The following DTNB variants were observed in gnomAD, a reference collection of about 807,000 sequenced individuals.
DTNB encodes the protein dystrobrevin beta, also known as DTN-B.
In DTNB, 63 loss-of-function variants were observed where a neutral mutation model predicts 90.7. The ratio of observed to expected loss-of-function variants is 0.69; its 90% CI spans 0.57 to 0.86. The LOEUF is 0.86. Among genes scored for constraint, DTNB ranks in the 40% least tolerant of loss-of-function variants. The pLI is 0.00. For missense variants in DTNB, 744 were observed against 807.1 expected (o/e 0.92, Z 0.95); for synonymous variants, 277 against 286.7 (o/e 0.97, Z 0.34).
chr2:25,505,064 C>G, intron 9 of DTNB, among the ~76,000 whole-genome samples: 1 of 152,166 alleles, frequency 6.6e-6, no homozygotes, highest in East Asian at 1.9e-4. Flanking sequence ...TAATTGATAT[C>G]TGAAATGATT....
chr2:25,525,580 G>A (rs996492820), intron 9 of DTNB, among the ~76,000 whole-genome samples: 7 of 151,630 alleles, frequency 4.6e-5, no homozygotes, highest in African/African-American at 1.7e-4. Context: ...AAGTTGCAGT[G>A]AGCCAAGATC....
intron 10 of DTNB, among the ~76,000 whole-genome samples, chr2:25,461,336 G>T (rs530344969): frequency 5.3e-5 from 8 of 152,310 alleles, no homozygotes; most frequent in African/African-American, 1.7e-4. Context: ...TTTGTTTGGG[G>T]TGTGGGGTGT....
chr2:25,670,448 A>G (rs552024773), intron 1 of DTNB, among the ~76,000 whole-genome samples: 2 of 152,296 alleles, frequency 1.3e-5, no homozygotes, highest in Admixed American at 6.5e-5. Context: ...GAAAGACCAC[A>G]AAAACTGATA....
chr2:25,622,027 T>C (rs1396195437), intron 4 of DTNB, among the ~76,000 whole-genome samples: 1 of 152,102 alleles, frequency 6.6e-6, no homozygotes, highest in Non-Finnish European at 1.5e-5. Context: ...ATTAGATACA[T>C]CATTTTTTTT....
At chr2:25,531,668 A>G in intron 8 of DTNB, 71 bp from the exon 9 acceptor site, 1 of 1,541,556 alleles carries the variant, frequency 6.5e-7, no homozygotes, top group South Asian at 1.3e-5. Context: ...AAAAGAAAAA[A>G]ACTTTGTGAC....
At chr2:25,522,003 A>AGAGATTAGGCTT (rs2076221616) in intron 9 of DTNB, among the ~76,000 whole-genome samples, 1 of 152,254 alleles carries the variant, frequency 6.6e-6, no homozygotes, top group Admixed American at 6.5e-5. Flanking sequence ...CACTAATTAA[A>AGAGATTAGGCTT]GAGATTAGGC....
At chr2:25,561,572 A>C (rs927300603) in intron 8 of DTNB, among the ~76,000 whole-genome samples, 5 of 152,134 alleles carry the variant, frequency 3.3e-5, no homozygotes, top group African/African-American at 1.2e-4. Context: ...GCGTGGTGGG[A>C]GGTGACTGCA....
At chr2:25,579,691 C>A (rs1039935976) in intron 7 of DTNB, among the ~76,000 whole-genome samples, 1 of 150,050 alleles carries the variant, frequency 6.7e-6, no homozygotes, top group South Asian at 2.1e-4. Context: ...AGTTTCAAGG[C>A]AAAATGGTGA....
intron 12 of DTNB, among the ~76,000 whole-genome samples, chr2:25,444,215 A>G (rs1476327608): frequency 1.3e-5 from 2 of 152,164 alleles, no homozygotes; most frequent in Non-Finnish European, 2.9e-5. Flanking sequence ...TTTACCACAC[A>G]TTATAGTTTT....
At position 25,388,265 on chromosome 2, in the gene DTNB, T is replaced by TG; in HGVS notation, c.1671dup (p.Thr558HisfsTer30). 1 of 1,606,900 alleles carries TG rather than the reference T, an allele frequency of 6.2e-7. No individual in the cohort carries two copies. Among genetic ancestry groups the TG allele is most frequent in the Non-Finnish European group, 8.5e-7 (1 of 1,177,508 alleles). On this transcript the variant is annotated frameshift_variant, in exon 17 of 21. Coordinates refer to ENST00000406818, the MANE Select transcript of DTNB (RefSeq NM_021907.5). LOFTEE classifies it high-confidence loss of function. ...CTCAGCGAGTCCTGCGGACAGTGGGTGGGGGTGGAGCCGGCAGACGTGGAG... is the reference window on the plus strand; with the variant it reads ...CTCAGCGAGTCCTGCGGACAGTGGGTGGGGGGTGGAGCCGGCAGACGTGGAG...
chr2:25,620,969 G>A (rs2072438208), intron 4 of DTNB, among the ~76,000 whole-genome samples: 1 of 152,192 alleles, frequency 6.6e-6, no homozygotes, highest in African/African-American at 2.4e-5. Context: ...CAAAGTTGCA[G>A]TGAGCTATGA....
At chr2:25,377,919 C>A (rs930397129) in intron 20 of DTNB, among the ~76,000 whole-genome samples, 3 of 152,154 alleles carry the variant, frequency 2.0e-5, no homozygotes, top group Non-Finnish European at 2.9e-5. Context: ...TCCATGAATC[C>A]GCGGCACCCA....
Position 25,574,441 on chromosome 2 carries a change from T to A in DTNB, c.876+2397A>T, listed in dbSNP as rs533118584. Among the ~76,000 whole-genome samples, 36 of 152,336 alleles carry A rather than the reference T, an allele frequency of 2.4e-4. No homozygotes were observed. In the South Asian group the frequency reaches 3.7e-3, roughly 16 times the overall value. ...GAATTATACTGCATAGCTACTGAGA[T>A]AAAACATTCAACAGAAATTTTTGGA... On this transcript the variant is annotated intron_variant, in intron 8 of 20. Transcript: ENST00000406818.
At chr2:25,509,682 T>C (rs2150669935) in intron 9 of DTNB, among the ~76,000 whole-genome samples, 1 of 152,072 alleles carries the variant, frequency 6.6e-6, no homozygotes, top group Middle Eastern at 3.4e-3. Context: ...TAGTATCTTT[T>C]CTTTGTCTCT....
chr2:25,481,957 T>C (rs2065055126), intron 10 of DTNB: 1 of 152,200 alleles, frequency 6.6e-6, no homozygotes, highest in African/African-American at 2.4e-5. Context: ...TAGTCAAAAT[T>C]TCTATAGCAT....
At chr2:25,490,281 C>T (rs527627061) in intron 9 of DTNB, among the ~76,000 whole-genome samples, 7 of 148,370 alleles carry the variant, frequency 4.7e-5, no homozygotes, top group African/African-American at 1.2e-4. Flanking sequence ...GTCTCGGTGG[C>T]GGGCAGGGGG....
In DTNB at chr2:25,634,399, C is replaced by G. The variant is rs1235868996; in HGVS notation, c.148+4615G>C. ...GAGGGAGGTGGGGGGGTCAGCCCCC[C>G]CGCCCGGCCACCCGCCCCGTCCGGG... is the stretch of plus-strand genomic sequence containing the variant. On this transcript the variant is annotated intron_variant, in intron 3 of 20. Transcript: ENST00000406818. 1.4e-5 allele frequency among the ~76,000 whole-genome samples: 2 copies of G among 144,374 alleles called. 1 individual carries two copies. The highest frequency in any genetic ancestry group is 5.1e-5 in the African/African-American group (2 of 39,392). The allele number at this position is 144,374 out of a possible 152,430, so 94.7% of individuals were successfully genotyped here.
chr2:25,542,178 G>A (rs941399286), intron 8 of DTNB, among the ~76,000 whole-genome samples: 5 of 152,168 alleles, frequency 3.3e-5, no homozygotes, highest in African/African-American at 7.2e-5. Flanking sequence ...GCAGTGGCGC[G>A]ATCTTGGCTC....
At chr2:25,560,726 C>T (rs139031406) in intron 8 of DTNB, among the ~76,000 whole-genome samples, 13 of 152,272 alleles carry the variant, frequency 8.5e-5, no homozygotes, top group Non-Finnish European at 1.0e-4. Flanking sequence ...CAGACATGCG[C>T]GTGCCCACCC....
Sources: allele counts gnomAD v4.1 joint callset (sites outside exome capture counted in the v4.1 genomes callset), GRCh38; gene constraint gnomAD v4.1.1; transcripts MANE v1.5; gene names NCBI Gene and HGNC (gene_info 2026-07-23, HGNC 2026-07-21).